Variants in KCNH4 observed in about 807,000 individuals in gnomAD.
KCNH4 encodes the protein potassium voltage-gated channel subfamily H member 4, also known as voltage-gated delayed rectifier potassium channel KCNH4.
KCNH4 carries 33 observed loss-of-function variants against 90.7 expected under a neutral mutation model. The ratio of observed to expected loss-of-function variants is 0.36; its 90% CI spans 0.28 to 0.49. The LOEUF (loss-of-function observed/expected upper bound fraction) is 0.49, where lower values mean the gene tolerates loss of function less well. Ranked by LOEUF, KCNH4 falls within the 20% of genes least tolerant of loss-of-function variation. The pLI is 0.98. For missense variants in KCNH4, 1,044 were observed against 1,387.1 expected (o/e 0.75, Z 3.93); for synonymous variants, 551 against 581.7 (o/e 0.95, Z 0.76).
chr17:42,169,230 CCACCA>C (rs751592666), intron 9 of KCNH4, among the ~76,000 whole-genome samples: 50 of 152,218 alleles, frequency 3.3e-4, no homozygotes, highest in Non-Finnish European at 6.3e-4. Context: ...CAGGCGTGCA[CCACCA>C]CAGCTGGCTA....
At chr17:42,177,348 C>T (rs1216710080) in intron 4 of KCNH4, among the ~76,000 whole-genome samples, 3 of 151,880 alleles carry the variant, frequency 2.0e-5, no homozygotes, top group Non-Finnish European at 4.4e-5. Context: ...TGCGCCTGGC[C>T]TCCAGATAAT....
At chr17:42,167,876 T>A (rs1039769961) in intron 9 of KCNH4, among the ~76,000 whole-genome samples, 3 of 152,238 alleles carry the variant, frequency 2.0e-5, no homozygotes, top group Non-Finnish European at 2.9e-5. Context: ...ATCTAAATTC[T>A]AGGCCATCCC....
intron 16 of KCNH4, among the ~76,000 whole-genome samples, chr17:42,157,832 G>C (rs564072555): frequency 6.6e-6 from 1 of 151,724 alleles, no homozygotes; most frequent in Non-Finnish European, 1.5e-5. Context: ...GCCCAGGCTG[G>C]TCTTGAACTC....
chr17:42,167,810 C>T (rs964956396), intron 9 of KCNH4, among the ~76,000 whole-genome samples: 2 of 152,212 alleles, frequency 1.3e-5, no homozygotes, highest in African/African-American at 4.8e-5. Flanking sequence ...CCTCACCAAC[C>T]CATTCCCTCC....
At chr17:42,165,312 G>A (rs889598944) in intron 11 of KCNH4, 137 bp downstream of exon 11, 1 of 1,078,656 alleles carries the variant, frequency 9.3e-7, no homozygotes, top group Non-Finnish European at 1.4e-6. Flanking sequence ...AGCAGGTAAG[G>A]GGCAATGGAG....
At chr17:42,174,105 G>A (rs1350071467) in intron 6 of KCNH4, among the ~76,000 whole-genome samples, 4 of 152,064 alleles carry the variant, frequency 2.6e-5, no homozygotes, top group Non-Finnish European at 4.4e-5. Context: ...CTACAGGTAC[G>A]TGCCAGCACA....
rs780969188 is a variant in KCNH4 at position 42,169,511 on chromosome 17, G to A, written c.1556C>T (p.Thr519Met). The A allele has an allele frequency of 4.3e-6, 7 of 1,613,148 alleles. No homozygotes were observed. In the East Asian group the frequency reaches 8.9e-5, roughly 21 times the overall value. ...GTCGATGCCGCTGTTGACGGCCCACGTGGTCTGGAAGTATTCGAGCATGCG... is the reference window on the plus strand; with the variant it reads ...GTCGATGCCGCTGTTGACGGCCCACATGGTCTGGAAGTATTCGAGCATGCG... ...KQRMLEYFQT[T>M]WAVNSGIDAN... The change falls in exon 9 of 17, where the codon ACG becomes ATG. Residue 519 changes from threonine (T) to methionine (M), a missense_variant. Thr to Met is a moderately conservative substitution (Grantham distance 81, BLOSUM62 -1). Coordinates refer to ENST00000264661, the MANE Select transcript of KCNH4 (RefSeq NM_012285.3).
At position 42,168,154 on chromosome 17, in the gene KCNH4, C is replaced by T. The variant is rs80099277; in HGVS notation, c.1590+1323G>A. 7.8e-3 allele frequency among the ~76,000 whole-genome samples: 1,184 copies of T among 152,254 alleles called. 17 individuals carry two copies. The highest frequency in any genetic ancestry group is 0.027 in the African/African-American group (1,118 of 41,542). ...CCCTCCTTTACAGCCCCATTCAGCG[C>T]GGCACTCTCTGTTCATCTTTCTGCC... On this transcript the variant is annotated intron_variant, in intron 9 of 16. Transcript: ENST00000264661.
At chr17:42,171,705 GGT>G in intron 7 of KCNH4, 81 bp downstream of exon 7, 1 of 1,172,338 alleles carries the variant, frequency 8.5e-7, no homozygotes, top group Non-Finnish European at 1.3e-6. Context: ...TGGGATGAGG[GGT>G]GTGGGTACTG....
chr17:42,181,109 G>C lies in KCNH4; in HGVS notation c.-164C>G, dbSNP rs2079898627. The C allele has an allele frequency of 1.5e-5, 9 of 605,258 alleles. No homozygotes were observed. Among genetic ancestry groups the C allele is most frequent in the South Asian group, 1.4e-4 (7 of 49,276 alleles). The allele number at this position is 605,258 out of a possible 1,614,324, so 37.5% of individuals were successfully genotyped here. Reference sequence around the variant, plus strand: ...TGCCGCTGCCTCTGCTCCGAACCCCGTAGCTCTCGGCTCGGCTCAGCGCCG... The same window carrying C: ...TGCCGCTGCCTCTGCTCCGAACCCCCTAGCTCTCGGCTCGGCTCAGCGCCG... On this transcript the variant is annotated 5_prime_UTR_variant, in exon 1 of 17. Transcript: ENST00000264661.
rs767744869 is a variant in KCNH4 at position 42,165,644 on chromosome 17, A to G, written c.1890T>C (p.Pro630=). The G allele has an allele frequency of 1.2e-6, 2 of 1,614,206 alleles. No homozygotes were observed. Among genetic ancestry groups the G allele is most frequent in the Admixed American group, 1.7e-5 (1 of 60,026 alleles). ...GADIPEPGQE[P]GLGADPNFVL... ...CGAAGTTTGGGTCTGCTCCCAACCCAGGCTCCTGCCCCGGCTCAGGGATAT... is the reference window on the plus strand; with the variant it reads ...CGAAGTTTGGGTCTGCTCCCAACCCGGGCTCCTGCCCCGGCTCAGGGATAT... Residue 630 remains proline, a synonymous_variant, in exon 11 of 17, where the codon CCT becomes CCC. Transcript: ENST00000264661.
rs538578718 is a variant in KCNH4 at position 42,166,723 on chromosome 17, TCA to T, written c.1591-179_1591-178del. Reference sequence around the variant, plus strand: ...CTCAATTTTGCTTGCTGCATGTACCTCACAACCCAATTTCAGGGGCAGAGACC... The same window carrying T: ...CTCAATTTTGCTTGCTGCATGTACCTCAACCCAATTTCAGGGGCAGAGACC... On this transcript the variant is annotated intron_variant, in intron 9 of 16. Coordinates refer to ENST00000264661, the MANE Select transcript of KCNH4 (RefSeq NM_012285.3). 2.2e-3 allele frequency among the ~76,000 whole-genome samples: 339 copies of T among 152,290 alleles called. 2 individuals are homozygous for T. Among genetic ancestry groups the T allele is most frequent in the African/African-American group, 7.0e-3 (290 of 41,556 alleles).
rs1261731095 is a variant in KCNH4 at position 42,160,259 on chromosome 17, T to A, written c.2835A>T (p.Pro945=). Residue 945 remains proline (P), a synonymous_variant, in exon 16 of 17, where the codon CCA becomes CCT. Transcript: ENST00000264661. ...PCLSPCASRP[P]PSLQDTTLAE... is the part of the protein sequence containing the mutation. ...CAAGCGTAGTATCCTGGAGGCTGGG[T>A]GGTGGTCTGGACGCACAAGGAGAGA... 1 of 1,613,984 alleles carries A rather than the reference T, an allele frequency of 6.2e-7. No individual in the cohort carries two copies. Among genetic ancestry groups the A allele is most frequent in the Non-Finnish European group, 8.5e-7 (1 of 1,179,974 alleles).
Position 42,160,181 on chromosome 17 carries a change from G to C in KCNH4, c.2913C>G (p.Leu971=). The part of the protein sequence containing the change: ...SVGTMETGTA[L]LDLRPSILPP... The stretch of plus-strand genomic sequence containing the variant: ...GCAATATGGAAGGTCTCAAGTCCAG[G>C]AGCGCAGTCCCTGTCTCCATGGTCC... Residue 971 remains leucine, a synonymous_variant, in exon 16 of 17, where the codon CTC becomes CTG. Coordinates refer to ENST00000264661, the MANE Select transcript of KCNH4 (RefSeq NM_012285.3). 14 of 1,613,768 alleles carry C rather than the reference G, an allele frequency of 8.7e-6. No homozygotes were observed. Among genetic ancestry groups the C allele is most frequent in the Non-Finnish European group, 1.2e-5 (14 of 1,179,734 alleles).
At position 42,163,758 on chromosome 17, in the gene KCNH4, A is replaced by G. The variant is rs977515311; in HGVS notation, c.2325T>C (p.Ser775=). The change falls in exon 13 of 17, where the codon TCT becomes TCC. Residue 775 remains serine, a synonymous_variant. Coordinates refer to ENST00000264661, the MANE Select transcript of KCNH4 (RefSeq NM_012285.3). The surrounding 1 kb of genome is among the most constrained non-coding windows in gnomAD (Gnocchi z 5.4). ...GGGACAGGGATGGGGATAAGGAAGG[A>G]GAGGAGACAAGGGCTGAGAATGGGG... ...ELPPFSALVS[S]PSLSPSLSPA... is the part of the protein sequence containing the mutation. 1 of 1,558,096 alleles carries G rather than the reference A, an allele frequency of 6.4e-7. No individual in the cohort carries two copies. Among genetic ancestry groups the G allele is most frequent in the Non-Finnish European group, 8.7e-7 (1 of 1,154,850 alleles).
At chr17:42,168,837 T>A (rs2079806013) in intron 9 of KCNH4, among the ~76,000 whole-genome samples, 1 of 151,768 alleles carries the variant, frequency 6.6e-6, no homozygotes, top group Non-Finnish European at 1.5e-5. Flanking sequence ...AGTGGCACAA[T>A]TTCGGCTCAC....
chr17:42,173,657 G>GA (rs200023837), intron 6 of KCNH4, among the ~76,000 whole-genome samples: 1,449 of 139,604 alleles, frequency 0.01, 78 homozygotes, highest in Admixed American at 0.082. Context: ...TGGTATGTTG[G>GA]AAAAAATACT....
chr17:42,169,610 G>A lies in KCNH4; in HGVS notation c.1457C>T (p.Ser486Leu), dbSNP rs746206997. 2.5e-6 allele frequency: 4 copies of A among 1,614,024 alleles called. No homozygotes were observed. Among genetic ancestry groups the A allele is most frequent in the South Asian group, 2.2e-5 (2 of 91,088 alleles). The change falls in exon 9 of 17, where the codon TCG becomes TTG. Residue 486 changes from serine to leucine, a missense_variant. Coordinates refer to ENST00000264661, the MANE Select transcript of KCNH4 (RefSeq NM_012285.3). ...GTCCTTCATGCGGCTGTGGTAGAGC[G>A]AGCGGCGCGAGTACATGCGCTGGAT... Reference protein sequence around the residue: ...AIIQRMYSRRSLYHSRMKDLK... With the variant: ...AIIQRMYSRRLLYHSRMKDLK...
rs371090330 is a variant in KCNH4 at position 42,165,620 on chromosome 17, G to C, written c.1914C>G (p.Phe638Leu). ...QEPGLGADPNFVLKTSADVKA... is the reference protein window; with the variant it reads ...QEPGLGADPNLVLKTSADVKA... ...TCACATCAGCACTGGTCTTTAGCAC[G>C]AAGTTTGGGTCTGCTCCCAACCCAG... Residue 638 changes from phenylalanine to leucine, a missense_variant, in exon 11 of 17, where the codon TTC (phenylalanine) becomes TTG (leucine). By Grantham distance (22) the Phe-to-Leu change is conservative (BLOSUM62 0). Coordinates refer to ENST00000264661, the MANE Select transcript of KCNH4 (RefSeq NM_012285.3). The C allele has an allele frequency of 6.2e-6, 10 of 1,614,082 alleles. No individual in the cohort carries two copies. Among genetic ancestry groups the C allele is most frequent in the Non-Finnish European group, 8.5e-6 (10 of 1,180,040 alleles).
Sources: gnomAD v4.1 joint callset for allele counts (sites outside exome capture counted in the v4.1 genomes callset) on GRCh38, gnomAD v4.1.1 for gene constraint, Gnocchi (gnomAD v3.1) non-coding constraint, MANE v1.5 for transcripts, NCBI Gene and HGNC (gene_info 2026-07-23, HGNC 2026-07-21) for gene names.